DOCK2: variants seen among roughly 807,000 people sequenced by gnomAD.
The protein encoded by DOCK2 is dedicator of cytokinesis 2.
A neutral mutation model predicts 248.9 loss-of-function variants in DOCK2; 87 were observed. That is an observed-to-expected ratio of 0.35 (90% CI 0.29 to 0.42). DOCK2 has a LOEUF of 0.42. Ranked by LOEUF, DOCK2 falls within the 10% of genes least tolerant of loss-of-function variation. The pLI, the probability that DOCK2 is intolerant of heterozygous loss-of-function variation, is 1.00. For missense variants in DOCK2, 1,747 were observed against 2,300.2 expected, an observed-to-expected ratio of 0.76 and a Z score of 4.92; for synonymous variants, 805 against 821.6, an observed-to-expected ratio of 0.98 and a Z score of 0.35.
chr5:169,950,289 C>G (rs1329318419), intron 27 of DOCK2, among the ~76,000 whole-genome samples: 4 of 152,204 alleles, frequency 2.6e-5, no homozygotes, highest in Non-Finnish European at 4.4e-5. Flanking sequence ...CATAAGAGAA[C>G]AAGCAGACCT....
rs1342232494 is a variant in DOCK2 at position 169,671,067 on chromosome 5, A to C, written c.225-11A>C. 1 of 1,611,546 alleles carries C rather than the reference A, an allele frequency of 6.2e-7. No homozygotes were observed. The highest frequency in any genetic ancestry group is 8.5e-7 in the Non-Finnish European group (1 of 1,178,724). ...TCAATTTCACACCACTTTTTCTCCC[A>C]CCTTAAATAGAAATACTGAGAACAT... is the stretch of plus-strand genomic sequence containing the variant. On this transcript the variant is annotated splice_polypyrimidine_tract_variant and intron_variant, in intron 4 of 51. Transcript: ENST00000520908.
intron 27 of DOCK2, among the ~76,000 whole-genome samples, chr5:169,973,045 A>C (rs961062891): frequency 6.6e-6 from 1 of 152,204 alleles, no homozygotes; most frequent in Non-Finnish European, 1.5e-5. Context: ...AGTTTAATAC[A>C]TGATGTGAGA....
At chr5:169,678,558 T>G (rs559601610) in intron 6 of DOCK2, among the ~76,000 whole-genome samples, 23 of 152,298 alleles carry the variant, frequency 1.5e-4, no homozygotes, top group Middle Eastern at 3.4e-3. Flanking sequence ...CCACCGAGCC[T>G]GGCCAAGAAA....
rs144126398 is a variant in DOCK2, at chr5:169,983,125, T to A, written c.2857T>A (p.Ser953Thr). ...ILNQMGDQHY[S>T]FYIETFQTSS... Reference sequence around the variant, plus strand: ...AAACCAGATGGGTGACCAGCACTACTCCTTCTACATTGAGACCTTCCAGAC... The same window carrying A: ...AAACCAGATGGGTGACCAGCACTACACCTTCTACATTGAGACCTTCCAGAC... The change falls in exon 28 of 52, where the codon TCC (serine) becomes ACC (threonine). Residue 953 changes from serine to threonine, a missense_variant. Physicochemically the swap from Ser to Thr is moderately conservative, Grantham distance 58 (BLOSUM62 1). Transcript: ENST00000520908. 7 of 1,613,984 alleles carry A rather than the reference T, an allele frequency of 4.3e-6. No individual in the cohort carries two copies. The African/African-American group carries it at 9.3e-5, about 22-fold the overall frequency.
In DOCK2 at chr5:169,670,684, G is replaced by A; in HGVS notation, c.224+87G>A. The A allele has an allele frequency of 2.0e-6, 3 of 1,492,852 alleles. No individual in the cohort carries two copies. In the Admixed American group the frequency reaches 5.8e-5, roughly 29 times the overall value. The allele number at this position is 1,492,852 out of a possible 1,614,324, so 92.5% of individuals were successfully genotyped here. The stretch of plus-strand genomic sequence containing the variant: ...TATTTTGAAAATCTGACTTGGAAGA[G>A]CTGAGGGTTGCTCAGCTTATCTTCT... On this transcript the variant is annotated intron_variant, in intron 4 of 51. Transcript: ENST00000520908.
At chr5:170,049,633 G>A (rs1756844454) in intron 40 of DOCK2, among the ~76,000 whole-genome samples, 1 of 152,180 alleles carries the variant, frequency 6.6e-6, no homozygotes, top group African/African-American at 2.4e-5. Flanking sequence ...GCTGTGCTAT[G>A]CATCGTAGGA....
intron 2 of DOCK2, among the ~76,000 whole-genome samples, chr5:169,666,342 G>T (rs1010127139): frequency 6.6e-6 from 1 of 152,098 alleles, no homozygotes; most frequent in Non-Finnish European, 1.5e-5. Flanking sequence ...ATTTTGGGAG[G>T]ACACATTCAG....
chr5:170,079,247 C>T, intron 49 of DOCK2, 101 bp downstream of exon 49: 1 of 1,460,330 alleles, frequency 6.8e-7, no homozygotes, highest in Admixed American at 2.0e-5. Context: ...TTCCTGAAGC[C>T]TGCCACTGCG....
chr5:169,945,309 C>T (rs1236775198), intron 27 of DOCK2, among the ~76,000 whole-genome samples: 1 of 152,184 alleles, frequency 6.6e-6, no homozygotes, highest in African/African-American at 2.4e-5. Flanking sequence ...AGTGGTAGTT[C>T]TCTTCTCTCC....
At chr5:169,866,148 A>G (rs539834771) in intron 27 of DOCK2, among the ~76,000 whole-genome samples, 1 of 152,096 alleles carries the variant, frequency 6.6e-6, no homozygotes, top group Admixed American at 6.5e-5. Flanking sequence ...CTTAGGGAGC[A>G]CTAGGAAAGG....
At chr5:169,672,570 A>C (rs1473467666) in intron 5 of DOCK2, among the ~76,000 whole-genome samples, 1 of 152,170 alleles carries the variant, frequency 6.6e-6, no homozygotes, top group African/African-American at 2.4e-5. Flanking sequence ...TCATTCCAGC[A>C]GTTCTTGATT....
chr5:169,827,863 T>TAA (rs764418162), intron 26 of DOCK2, among the ~76,000 whole-genome samples: 2 of 137,742 alleles, frequency 1.5e-5, no homozygotes, highest in African/African-American at 6.2e-5. Flanking sequence ...TAGAAAACAT[T>TAA]AAAAACACAC....
chr5:169,856,904 G>A (rs1372558940), intron 27 of DOCK2, among the ~76,000 whole-genome samples: 3 of 152,176 alleles, frequency 2.0e-5, no homozygotes, highest in Admixed American at 1.3e-4. Context: ...AATGATTTAA[G>A]AAATAAAGGT....
intron 27 of DOCK2, among the ~76,000 whole-genome samples, chr5:169,927,459 A>G (rs189498216): frequency 6.6e-5 from 10 of 152,282 alleles, no homozygotes; most frequent in Non-Finnish European, 8.8e-5. Context: ...GACTTTGAGA[A>G]CCACTGCTGT....
At chr5:169,814,296 CA>C (rs1248956982) in intron 26 of DOCK2, among the ~76,000 whole-genome samples, 1 of 152,102 alleles carries the variant, frequency 6.6e-6, no homozygotes, top group Admixed American at 6.5e-5. Context: ...GGAATCTTAC[CA>C]AAAATGTACA....
At chr5:169,718,887 A>G (rs1561633397) in intron 22 of DOCK2, 96 bp downstream of exon 22, 18 of 1,474,360 alleles carry the variant, frequency 1.2e-5, no homozygotes, top group Non-Finnish European at 1.6e-5. Context: ...TTAAAAAATT[A>G]TAACCAGCTG....
At chr5:169,695,353 G>A (rs1760551132) in intron 9 of DOCK2, 1 of 173,788 alleles carries the variant, frequency 5.8e-6, no homozygotes, top group Admixed American at 6.4e-5. Context: ...CACTTTAGAT[G>A]TGCAGGAAAT....
chr5:170,002,810 C>T (rs1016898887), intron 30 of DOCK2, among the ~76,000 whole-genome samples: 1 of 152,098 alleles, frequency 6.6e-6, no homozygotes, highest in Non-Finnish European at 1.5e-5. Flanking sequence ...TCGGAAATCA[C>T]CTCATCTCTT....
intron 2 of DOCK2, among the ~76,000 whole-genome samples, chr5:169,657,661 G>A (rs1427781843): frequency 1.3e-5 from 2 of 152,190 alleles, no homozygotes; most frequent in East Asian, 3.8e-4. Context: ...AGATTTGGTG[G>A]CATCAGAAGA....
Sources: gnomAD v4.1 joint callset for allele counts (sites outside exome capture counted in the v4.1 genomes callset) on GRCh38, gnomAD v4.1.1 for gene constraint, MANE v1.5 for transcripts, NCBI Gene and HGNC (gene_info 2026-07-23, HGNC 2026-07-21) for gene names.